DNAJC13: variants seen among roughly 807,000 people sequenced by gnomAD.
DNAJC13 encodes the protein DnaJ heat shock protein family (Hsp40) member C13.
DNAJC13 carries 75 observed loss-of-function variants against 290.5 expected under a neutral mutation model. The ratio of observed to expected loss-of-function variants is 0.26; its 90% confidence interval spans 0.21 to 0.31. The LOEUF is 0.31. DNAJC13 is among the 10% of genes least tolerant of loss of function. The pLI, the probability that DNAJC13 is intolerant of heterozygous loss-of-function variation, is 1.00. For synonymous variants in DNAJC13, 862 were observed against 892.0 expected (o/e 0.97, Z 0.60); for missense variants, 2,260 against 2,674.5 (o/e 0.85, Z 3.42).
Position 132,463,720 on chromosome 3 carries a change from A to G in DNAJC13, c.1795A>G (p.Lys599Glu). Reference protein sequence around the residue: ...IEEGDKEIATKMQELALSEGA... With the variant: ...IEEGDKEIATEMQELALSEGA... ...GGAAGGTGATAAAGAAATTGCTACA[A>G]AAATGCAGGAGCTTGCCCTAAGTGA... The change falls in exon 17 of 56, where the codon AAA (lysine) becomes GAA (glutamate). Residue 599 changes from lysine (K) to glutamate (E), a missense_variant. Coordinates refer to ENST00000260818, the MANE Select transcript of DNAJC13 (RefSeq NM_015268.4). The G allele has an allele frequency of 1.2e-6, 2 of 1,613,242 alleles. No homozygotes were observed. The highest frequency in any genetic ancestry group is 1.1e-5 in the South Asian group (1 of 90,972).
intron 2 of DNAJC13, among the ~76,000 whole-genome samples, chr3:132,443,572 T>C (rs1210767582): frequency 6.6e-6 from 1 of 152,192 alleles, no homozygotes; most frequent in Non-Finnish European, 1.5e-5. Context: ...ATTGAAAGTT[T>C]AGCTTTGTTA....
chr3:132,476,619 C>T (rs1934481715), intron 22 of DNAJC13, among the ~76,000 whole-genome samples: 2 of 152,146 alleles, frequency 1.3e-5, no homozygotes, highest in South Asian at 4.1e-4. Flanking sequence ...TCTGTGTAAC[C>T]CCCAATGCTA....
At chr3:132,499,919 C>T in intron 38 of DNAJC13, 111 bp downstream of exon 38, 1 of 914,668 alleles carries the variant, frequency 1.1e-6, no homozygotes, top group Non-Finnish European at 1.7e-6. Context: ...TGCTGAGCTC[C>T]ACCCCACCCC....
chr3:132,483,507 C>T lies in DNAJC13; in HGVS notation c.3112C>T (p.Leu1038=), dbSNP rs869106610. Reference sequence around the variant, plus strand: ...TCTCTTAGCCAGTGGACAGGCTGTCCTGAATGAAACTGACCTTGCTACCCT... The same window carrying T: ...TCTCTTAGCCAGTGGACAGGCTGTCTTGAATGAAACTGACCTTGCTACCCT... The part of the protein sequence containing the change: ...WCLLASGQAV[L]NETDLATLIL... The change falls in exon 28 of 56, where the codon CTG becomes TTG. Residue 1038 remains leucine (L), a synonymous_variant. Coordinates refer to ENST00000260818, the MANE Select transcript of DNAJC13 (RefSeq NM_015268.4). 6.2e-7 allele frequency: 1 copy of T among 1,614,104 alleles called. No individual in the cohort carries two copies. The highest frequency in any genetic ancestry group is 1.1e-5 in the South Asian group (1 of 91,076).
chr3:132,503,824 T>A, intron 41 of DNAJC13, among the ~76,000 whole-genome samples: 1 of 152,182 alleles, frequency 6.6e-6, no homozygotes, highest in East Asian at 1.9e-4. Context: ...TGTACATACA[T>A]AGATGCATTA....
intron 20 of DNAJC13, among the ~76,000 whole-genome samples, chr3:132,470,621 C>T (rs1469329823): frequency 1.1e-4 from 15 of 135,534 alleles, no homozygotes; most frequent in Admixed American, 8.6e-4. Context: ...GGGGGGCTGA[C>T]CCCCCCACCT....
At chr3:132,438,855 T>C (rs189871430) in intron 2 of DNAJC13, among the ~76,000 whole-genome samples, 1 of 152,330 alleles carries the variant, frequency 6.6e-6, no homozygotes, top group African/African-American at 2.4e-5. Context: ...TTTAATTATA[T>C]GTTTATTCTG....
At chr3:132,437,288 A>G (rs1939408530) in intron 2 of DNAJC13, among the ~76,000 whole-genome samples, 1 of 152,144 alleles carries the variant, frequency 6.6e-6, no homozygotes, top group Non-Finnish European at 1.5e-5. Flanking sequence ...ATTTTCTCCA[A>G]TTCTTCAGAT....
At chr3:132,420,230 G>A (rs1938916525) in intron 1 of DNAJC13, among the ~76,000 whole-genome samples, 1 of 152,240 alleles carries the variant, frequency 6.6e-6, no homozygotes, top group Non-Finnish European at 1.5e-5. Flanking sequence ...AACCCTGGGT[G>A]AGTCTGCTGT....
rs114675539 is a variant in DNAJC13, at chr3:132,520,048, C to T, written c.5674-2780C>T. On this transcript the variant is annotated intron_variant, in intron 48 of 55. Transcript: ENST00000260818. ...CGAGAACAGAATAGCACGAGAAAGA[C>T]CTGCCCCTGTGATTCAGTTACCTCC... Among the ~76,000 whole-genome samples the T allele has an allele frequency of 4.2e-3, 641 of 152,264 alleles. 3 individuals are homozygous for T. The highest frequency in any genetic ancestry group is 0.015 in the African/African-American group (603 of 41,548).
In DNAJC13 at chr3:132,511,104, T is replaced by C. The variant is rs200651997; in HGVS notation, c.5153T>C (p.Ile1718Thr). The change falls in exon 44 of 56, where the codon ATA (isoleucine) becomes ACA (threonine). Residue 1718 changes from isoleucine to threonine, a missense_variant. Transcript: ENST00000260818. Reference protein sequence around the residue: ...KAFAASLLDYIGSQAQYLHTF... With the variant: ...KAFAASLLDYTGSQAQYLHTF... ...TTTGCTGCAAGTCTCTTGGATTATA[T>C]AGGCTCGCAGGCCCAATACTTGCAC... is the stretch of plus-strand genomic sequence containing the variant. 59 of 1,613,960 alleles carry C rather than the reference T, an allele frequency of 3.7e-5. No individual in the cohort carries two copies. The highest frequency in any genetic ancestry group is 2.5e-6 in the Non-Finnish European group (3 of 1,179,886).
intron 17 of DNAJC13, 139 bp downstream of exon 17, chr3:132,463,956 A>G: frequency 9.7e-7 from 1 of 1,026,632 alleles, no homozygotes; most frequent in Admixed American, 3.5e-5. Flanking sequence ...TCCTTTCCTT[A>G]CAGAAGGATT....
intron 54 of DNAJC13, among the ~76,000 whole-genome samples, chr3:132,529,210 C>T (rs530856412): frequency 4.6e-5 from 7 of 152,212 alleles, no homozygotes; most frequent in African/African-American, 1.7e-4. Context: ...ACATATGTGA[C>T]CCTTTGTGTC....
intron 42 of DNAJC13, 73 bp downstream of exon 42, chr3:132,505,488 T>C: frequency 2.0e-6 from 2 of 990,882 alleles, no homozygotes; most frequent in African/African-American, 1.6e-5. Flanking sequence ...CAGTATTGAT[T>C]AGAACAGAAA....
Position 132,461,125 on chromosome 3 carries a change from G to T in DNAJC13, c.1633G>T (p.Glu545Ter). The change falls in exon 15 of 56, where the codon GAG becomes TAG. Residue 545 changes from glutamate to a stop codon, truncating the protein, a stop_gained. Transcript: ENST00000260818. LOFTEE classifies it high-confidence loss of function. Reference protein sequence around the residue: ...LTFALCAPYSETTEGQQFDML... With the variant: ...LTFALCAPYS ...CTTTGCCCTCTGTGCTCCATATAGTGAGACAACTGAAGGGCAGCAGTTTGA... is the reference window on the plus strand; with the variant it reads ...CTTTGCCCTCTGTGCTCCATATAGTTAGACAACTGAAGGGCAGCAGTTTGA... 6.2e-7 allele frequency: 1 copy of T among 1,614,058 alleles called. No homozygotes were observed. Among genetic ancestry groups the T allele is most frequent in the Non-Finnish European group, 8.5e-7 (1 of 1,179,960 alleles).
chr3:132,475,961 C>G (rs1209776008), intron 22 of DNAJC13, among the ~76,000 whole-genome samples: 1 of 152,052 alleles, frequency 6.6e-6, no homozygotes, highest in African/African-American at 2.4e-5. Flanking sequence ...TGAGACACGA[C>G]CTTGCTTTAT....
chr3:132,523,976 AAAG>A (rs1439117927), intron 51 of DNAJC13: 1 of 335,560 alleles, frequency 3.0e-6, no homozygotes, highest in Non-Finnish European at 5.4e-6. Flanking sequence ...AGAAGCCTGA[AAAG>A]AAGGTTTTTA....
intron 20 of DNAJC13, among the ~76,000 whole-genome samples, chr3:132,471,048 C>T (rs1934221315): frequency 1.5e-5 from 2 of 136,774 alleles, no homozygotes; most frequent in African/African-American, 2.8e-5. Context: ...CCGGACGGGG[C>T]GGCTGGCCAG....
intron 2 of DNAJC13, among the ~76,000 whole-genome samples, chr3:132,444,007 A>T (rs1035630402): frequency 6.6e-6 from 1 of 152,156 alleles, no homozygotes. Context: ...CACTTTGCTC[A>T]TTGCTACCTT....
Sources: allele counts gnomAD v4.1 joint callset (sites outside exome capture counted in the v4.1 genomes callset), GRCh38; gene constraint gnomAD v4.1.1; transcripts MANE v1.5; gene names NCBI Gene and HGNC (gene_info 2026-07-23, HGNC 2026-07-21).